SNX29: variants seen among roughly 807,000 people sequenced by gnomAD.
SNX29 encodes the protein sorting nexin-29.
Under a neutral mutation model 102.1 loss-of-function variants are expected in SNX29, and 78 were observed. The observed-to-expected ratio is 0.76, with a 90% CI of 0.64 to 0.92. The LOEUF (loss-of-function observed/expected upper bound fraction) is 0.92, where lower values mean the gene tolerates loss of function less well. Among genes scored for constraint, SNX29 ranks in the 40% least tolerant of loss-of-function variants. The probability of loss-of-function intolerance (pLI) is 0.00; values close to 1 mark genes in which losing one functional copy is unlikely to be tolerated. For synonymous variants in SNX29, 580 were observed against 414.5 expected, an observed-to-expected ratio of 1.40 and a Z score of -4.85; for missense variants, 1,280 against 1,061.7, an observed-to-expected ratio of 1.21 and a Z score of -2.86.
chr16:12,297,295 C>T (rs1417833583), intron 15 of SNX29: 1 of 152,330 alleles, frequency 6.6e-6, no homozygotes, highest in Admixed American at 6.5e-5. Flanking sequence ...GCTGCCATGG[C>T]CAAAGCCTGG....
chr16:12,117,421 C>T (rs76385917), intron 11 of SNX29, among the ~76,000 whole-genome samples: 1,380 of 94,724 alleles, frequency 0.015, no homozygotes, highest in African/African-American at 0.028. Context: ...TCAATGCGGA[C>T]GAACCGTGGA....
At chr16:12,420,204 C>T (rs1004232911) in intron 18 of SNX29, among the ~76,000 whole-genome samples, 30 of 152,234 alleles carry the variant, frequency 2.0e-4, no homozygotes, top group African/African-American at 6.0e-4. Flanking sequence ...ACCTGGGAGG[C>T]AAAACTGCCT....
intron 3 of SNX29, among the ~76,000 whole-genome samples, chr16:12,012,825 G>C (rs990787423): frequency 5.3e-5 from 8 of 152,060 alleles, no homozygotes; most frequent in Admixed American, 3.3e-4. Context: ...GTCTACTCTG[G>C]TCTGGTGCTG....
intron 18 of SNX29, among the ~76,000 whole-genome samples, chr16:12,443,936 C>T (rs1202922938): frequency 6.6e-6 from 1 of 152,180 alleles, no homozygotes. Flanking sequence ...ATGTAATAAG[C>T]ACTCAGTATA....
At chr16:12,285,658 G>A (rs2079571243) in intron 15 of SNX29, among the ~76,000 whole-genome samples, 1 of 152,174 alleles carries the variant, frequency 6.6e-6, no homozygotes, top group Non-Finnish European at 1.5e-5. Flanking sequence ...TACACCACCA[G>A]TGCCTGCCTC....
At chr16:12,297,654 T>C (rs2080027397) in intron 15 of SNX29, among the ~76,000 whole-genome samples, 1 of 152,132 alleles carries the variant, frequency 6.6e-6, no homozygotes, top group African/African-American at 2.4e-5. Context: ...ATTGCATTCG[T>C]CATAACACAG....
At chr16:12,177,361 G>T (rs2076283357) in intron 13 of SNX29, among the ~76,000 whole-genome samples, 1 of 152,176 alleles carries the variant, frequency 6.6e-6, no homozygotes, top group Non-Finnish European at 1.5e-5. Context: ...GTGGAATTGG[G>T]CTGGATCGTT....
At chr16:11,985,307 C>G (rs2055572905) in intron 1 of SNX29, among the ~76,000 whole-genome samples, 2 of 152,126 alleles carry the variant, frequency 1.3e-5, no homozygotes, top group African/African-American at 2.4e-5. Flanking sequence ...CCACTGGGGT[C>G]TGTTGAAGCA....
At chr16:12,561,735 GGATGGA>G (rs1282251726) in intron 20 of SNX29, among the ~76,000 whole-genome samples, 2 of 152,316 alleles carry the variant, frequency 1.3e-5, no homozygotes, top group African/African-American at 2.4e-5. Context: ...GCAGCAGGGA[GGATGGA>G]GATGGAGTTT....
chr16:11,993,120 G>C (rs2055916971), intron 1 of SNX29, among the ~76,000 whole-genome samples: 3 of 151,850 alleles, frequency 2.0e-5, no homozygotes, highest in African/African-American at 7.3e-5. Flanking sequence ...AGAAGAGATG[G>C]CGCCACCGTA....
At chr16:12,493,224 G>A (rs1227790464) in intron 19 of SNX29, among the ~76,000 whole-genome samples, 1 of 152,158 alleles carries the variant, frequency 6.6e-6, no homozygotes, top group Non-Finnish European at 1.5e-5. Context: ...GCAGTGGTTT[G>A]TAGTTCTCCT....
At chr16:12,428,900 C>T (rs1240675635) in intron 18 of SNX29, among the ~76,000 whole-genome samples, 27 of 152,212 alleles carry the variant, frequency 1.8e-4, no homozygotes, top group Non-Finnish European at 2.9e-5. Flanking sequence ...CAATTAATAT[C>T]TCCTAGTTAA....
chr16:12,300,027 C>A (rs1425680184), intron 15 of SNX29, among the ~76,000 whole-genome samples: 1 of 152,086 alleles, frequency 6.6e-6, no homozygotes, highest in Non-Finnish European at 1.5e-5. Context: ...CCTGCCACCA[C>A]GCCTGGCTAA....
At chr16:12,064,476 C>T (rs1004233847) in intron 9 of SNX29, among the ~76,000 whole-genome samples, 1 of 152,198 alleles carries the variant, frequency 6.6e-6, no homozygotes, top group Admixed American at 6.5e-5. Flanking sequence ...CAGCTGATGT[C>T]GAATGCACTC....
intron 19 of SNX29, among the ~76,000 whole-genome samples, chr16:12,511,163 T>A (rs1338093709): frequency 6.6e-6 from 1 of 152,208 alleles, no homozygotes; most frequent in Non-Finnish European, 1.5e-5. Flanking sequence ...GTTCACCCTA[T>A]GTGAACTGCG....
chr16:12,013,500 A>AAAAAAAAAAAAAAAT, intron 3 of SNX29, among the ~76,000 whole-genome samples: 1 of 31,630 alleles, frequency 3.2e-5, no homozygotes, highest in Non-Finnish European at 6.1e-5. Context: ...AAAAAAAAAA[A>AAAAAAAAAAAAAAAT]ATATATATAT....
chr16:12,030,959 T>G (rs2057325034), intron 4 of SNX29, among the ~76,000 whole-genome samples: 2 of 152,194 alleles, frequency 1.3e-5, no homozygotes, highest in African/African-American at 4.8e-5. Flanking sequence ...TCTTGAGACC[T>G]CTCCATAATT....
chr16:12,464,324 C>T (rs931217634), intron 18 of SNX29, among the ~76,000 whole-genome samples: 3 of 152,012 alleles, frequency 2.0e-5, no homozygotes, highest in African/African-American at 7.3e-5. Flanking sequence ...TTTATCCATT[C>T]ATCTGTTGAC....
At chr16:12,406,516 G>A (rs1405465299) in intron 18 of SNX29, among the ~76,000 whole-genome samples, 3 of 152,232 alleles carry the variant, frequency 2.0e-5, no homozygotes, top group African/African-American at 7.2e-5. Context: ...GCCAAGACAT[G>A]TAGCTTTCTC....
Sources: allele counts gnomAD v4.1 joint callset (sites outside exome capture counted in the v4.1 genomes callset), GRCh38; gene constraint gnomAD v4.1.1; transcripts MANE v1.5; gene names NCBI Gene and HGNC (gene_info 2026-07-23, HGNC 2026-07-21).